TLE4: variants seen among roughly 807,000 people sequenced by gnomAD.
The protein encoded by TLE4 is TLE family member 4, transcriptional corepressor.
A neutral mutation model predicts 92.8 loss-of-function variants in TLE4; 8 were observed. That is an observed-to-expected ratio of 0.09 (90% confidence interval 0.05 to 0.16). TLE4 has a LOEUF of 0.16. Among genes scored for constraint, TLE4 ranks in the 10% least tolerant of loss-of-function variants. The pLI is 1.00. For missense variants in TLE4, 675 were observed against 997.6 expected, an observed-to-expected ratio of 0.68 and a Z score of 4.36; for synonymous variants, 371 against 374.1, an observed-to-expected ratio of 0.99 and a Z score of 0.10.
chr9:79,590,625 G>C (rs775415317), intron 4 of TLE4, among the ~76,000 whole-genome samples: 1 of 152,118 alleles, frequency 6.6e-6, no homozygotes, highest in Non-Finnish European at 1.5e-5. Flanking sequence ...GCTGATAGGA[G>C]GGTTTTTTTA....
At chr9:79,723,159 GA>G in intron 19 of TLE4, 124 bp downstream of exon 19, 1 of 879,426 alleles carries the variant, frequency 1.1e-6, no homozygotes, top group Non-Finnish European at 1.8e-6. Context: ...ACATTGTACA[GA>G]GAAGGAAACT....
intron 4 of TLE4, among the ~76,000 whole-genome samples, chr9:79,592,519 G>T (rs2042966078): frequency 6.6e-6 from 1 of 151,902 alleles, no homozygotes; most frequent in Non-Finnish European, 1.5e-5. Flanking sequence ...CAAGCCACAC[G>T]CCCACCTCAT....
intron 8 of TLE4, among the ~76,000 whole-genome samples, chr9:79,662,228 T>C (rs1275897815): frequency 1.3e-5 from 2 of 152,226 alleles, no homozygotes; most frequent in Non-Finnish European, 2.9e-5. Context: ...GGACTCATTA[T>C]TTAATTGTAT....
intron 8 of TLE4, among the ~76,000 whole-genome samples, chr9:79,697,456 C>T (rs749494439): frequency 1.3e-5 from 2 of 151,912 alleles, no homozygotes. Flanking sequence ...CCTTGTGTGG[C>T]CCAACACTTG....
At chr9:79,677,091 C>T (rs2063399075) in intron 8 of TLE4, among the ~76,000 whole-genome samples, 1 of 152,026 alleles carries the variant, frequency 6.6e-6, no homozygotes, top group African/African-American at 2.4e-5. Flanking sequence ...GCAAGTTACT[C>T]AGTTTTCCCC....
chr9:79,698,927 A>G (rs1417663134), intron 8 of TLE4, among the ~76,000 whole-genome samples: 1 of 150,820 alleles, frequency 6.6e-6, no homozygotes, highest in Non-Finnish European at 1.5e-5. Context: ...AGATAATAAT[A>G]TGTTAAAATG....
intron 19 of TLE4, among the ~76,000 whole-genome samples, 179 bp downstream of exon 19, chr9:79,723,214 G>T (rs1310496807): frequency 1.3e-5 from 2 of 152,210 alleles, no homozygotes; most frequent in Non-Finnish European, 2.9e-5. Flanking sequence ...CCGTGGAGCT[G>T]GGGATAGTCC....
chr9:79,690,779 C>CGCTT (rs2066893971), intron 8 of TLE4, among the ~76,000 whole-genome samples: 30 of 54,170 alleles, frequency 5.5e-4, no homozygotes, highest in South Asian at 1.2e-3. Context: ...CCACTCCTGG[C>CGCTT]TTTTTTTTTT....
intron 10 of TLE4, 105 bp from the exon 11 acceptor site, chr9:79,706,642 T>G: frequency 7.1e-7 from 1 of 1,404,164 alleles, no homozygotes; most frequent in East Asian, 2.3e-5. Context: ...CATTTGTGCT[T>G]CTAAGCATGC....
At chr9:79,659,151 A>G (rs1319473390) in intron 8 of TLE4, among the ~76,000 whole-genome samples, 7 of 152,192 alleles carry the variant, frequency 4.6e-5, no homozygotes, top group East Asian at 3.9e-4. Context: ...AGACCTGTCA[A>G]AGGTCACACA....
chr9:79,693,752 C>T (rs1004810581), intron 8 of TLE4: 42 of 423,282 alleles, frequency 9.9e-5, no homozygotes, highest in Middle Eastern at 4.2e-4. Flanking sequence ...TCATGTCCTT[C>T]GAACCATATT....
intron 4 of TLE4, among the ~76,000 whole-genome samples, chr9:79,582,234 A>T (rs2039867641): frequency 6.6e-6 from 1 of 152,204 alleles, no homozygotes; most frequent in South Asian, 2.1e-4. Flanking sequence ...ATGAAGGCAG[A>T]TGTTTTGCTT....
chr9:79,688,911 T>C (rs2135475314), intron 8 of TLE4, among the ~76,000 whole-genome samples: 1 of 152,092 alleles, frequency 6.6e-6, no homozygotes, highest in South Asian at 2.1e-4. Context: ...GAGGACAACA[T>C]ATCTTCCCCC....
At chr9:79,659,570 G>A (rs115152513) in intron 8 of TLE4, among the ~76,000 whole-genome samples, 1,691 of 152,052 alleles carry the variant, frequency 0.011, 40 homozygotes, top group African/African-American at 0.038. Context: ...ATCTCTGTTA[G>A]GTCTCTATAA....
At chr9:79,675,483 T>C (rs1465143390) in intron 8 of TLE4, among the ~76,000 whole-genome samples, 1 of 152,180 alleles carries the variant, frequency 6.6e-6, no homozygotes, top group African/African-American at 2.4e-5. Context: ...TACAAAGGCA[T>C]TTTCTTATAT....
intron 8 of TLE4, among the ~76,000 whole-genome samples, chr9:79,702,140 G>T (rs2070106652): frequency 6.6e-6 from 1 of 152,202 alleles, no homozygotes; most frequent in Non-Finnish European, 1.5e-5. Flanking sequence ...GAGCCCAGGG[G>T]AACACTGGCT....
At chr9:79,653,839 T>C (rs2059383886) in intron 7 of TLE4, among the ~76,000 whole-genome samples, 1 of 152,246 alleles carries the variant, frequency 6.6e-6, no homozygotes, top group Non-Finnish European at 1.5e-5. Context: ...TGTCCAGCTT[T>C]GGTTCTTCTG....
intron 5 of TLE4, among the ~76,000 whole-genome samples, chr9:79,618,328 A>G (rs371824396): frequency 6.6e-6 from 1 of 152,258 alleles, no homozygotes; most frequent in African/African-American, 2.4e-5. Context: ...ATATAAAATA[A>G]TGCATAGTTC....
intron 6 of TLE4, among the ~76,000 whole-genome samples, chr9:79,650,323 A>G (rs2058755989): frequency 6.6e-6 from 1 of 152,200 alleles, no homozygotes; most frequent in South Asian, 2.1e-4. Flanking sequence ...ATGTAGACTC[A>G]TAGAGCTTAG....
Sources: gnomAD v4.1 joint callset for allele counts (sites outside exome capture counted in the v4.1 genomes callset) on GRCh38, gnomAD v4.1.1 for gene constraint, MANE v1.5 for transcripts, NCBI Gene and HGNC (gene_info 2026-07-23, HGNC 2026-07-21) for gene names.